ARAP1: variants seen among roughly 807,000 people sequenced by gnomAD.
ARAP1 encodes arf-GAP with Rho-GAP domain, ANK repeat and PH domain-containing protein 1.
In ARAP1, 76 loss-of-function variants were observed where a neutral mutation model predicts 172.2. The ratio of observed to expected loss-of-function variants is 0.44; its 90% confidence interval spans 0.37 to 0.53. The LOEUF is 0.53. Among genes scored for constraint, ARAP1 ranks in the 20% least tolerant of loss-of-function variants. The pLI is 0.00. For synonymous variants in ARAP1, 804 were observed against 803.3 expected (o/e 1.00, Z -0.01); for missense variants, 1,686 against 1,977.5 (o/e 0.85, Z 2.80).
Position 72,687,287 on chromosome 11 carries a change from G to A in ARAP1, c.4185+152C>T, listed in dbSNP as rs1044263754. 1.4e-5 allele frequency: 14 copies of A among 991,522 alleles called. No individual in the cohort carries two copies. The African/African-American group carries it at 2.3e-4, about 16-fold the overall frequency. 61.4% of individuals were successfully genotyped at this position (991,522 alleles called of 1,614,324 possible). On this transcript the variant is annotated intron_variant, in intron 33 of 34. Coordinates refer to ENST00000393609, the MANE Select transcript of ARAP1 (RefSeq NM_001040118.3). ...GGACTAACAGTAGGTGCTAGGAAGG[G>A]TTTATTGAATAAACTAGCAAATGAA...
chr11:72,696,495 T>G (rs1591179731), intron 23 of ARAP1, 54 bp downstream of exon 23: 2 of 1,381,196 alleles, frequency 1.4e-6, no homozygotes, highest in Non-Finnish European at 1.9e-6. Flanking sequence ...AGGGTGGGGG[T>G]AGAAGAACCT....
In ARAP1 at chr11:72,699,127, G is replaced by A. The variant is rs1238168790; in HGVS notation, c.2439-20C>T. On this transcript the variant is annotated intron_variant, in intron 17 of 34. Transcript: ENST00000393609. The surrounding 1 kb of genome is among the most constrained non-coding windows in gnomAD (Gnocchi z 4.2). The stretch of plus-strand genomic sequence containing the variant: ...TCAAAGCTGCAAATACACAGGCCAG[G>A]ACTCAGGCCCACCTCATCCAGCACG... The A allele has an allele frequency of 1.2e-6, 2 of 1,612,884 alleles. No homozygotes were observed. Among genetic ancestry groups the A allele is most frequent in the Non-Finnish European group, 8.5e-7 (1 of 1,179,176 alleles).
At position 72,702,974 on chromosome 11, in the gene ARAP1, G is replaced by T. The variant is rs1384099568; in HGVS notation, c.2098C>A (p.Pro700Thr). The change falls in exon 15 of 35, where the codon CCC becomes ACC. Residue 700 changes from proline to threonine, a missense_variant. By Grantham distance (38) the Pro-to-Thr change is conservative. Around this residue, in one of 5 missense-constraint regions of ARAP1, gnomAD observed 688 missense variants for 856.9 expected, o/e 0.80. Coordinates refer to ENST00000393609, the MANE Select transcript of ARAP1 (RefSeq NM_001040118.3). ...CFSGDPEAPT[P>T]LALAEQAGQT... ...CCCGCCTGCTCTGCAAGAGCCAGGG[G>T]CGTGGGGGCCTCAGGGTCCCCCGAG... The T allele has an allele frequency of 6.4e-6, 10 of 1,565,686 alleles. No individual in the cohort carries two copies. Among genetic ancestry groups the T allele is most frequent in the Non-Finnish European group, 8.6e-6 (10 of 1,156,262 alleles).
At position 72,699,099 on chromosome 11, in the gene ARAP1, T is replaced by C. The variant is rs753042813; in HGVS notation, c.2447A>G (p.His816Arg). Residue 816 changes from histidine (H) to arginine (R), a missense_variant, in exon 18 of 35, where the codon CAC (histidine) becomes CGC (arginine). Physicochemically the swap from His to Arg is conservative, Grantham distance 29 (BLOSUM62 0). Around this residue, in one of 5 missense-constraint regions of ARAP1, gnomAD observed 688 missense variants for 856.9 expected, o/e 0.80. Transcript: ENST00000393609. This position sits in a 1 kb window ranked among gnomAD's most constrained non-coding sequence, Gnocchi z 4.2. ...VPPPDTHGFEHTFEVYTEGER... is the reference protein window; with the variant it reads ...VPPPDTHGFERTFEVYTEGER... ...TCCCTCCGTGTACACCTCAAAGGTG[T>C]GCTCAAAGCTGCAAATACACAGGCC... is the stretch of plus-strand genomic sequence containing the variant. 1.2e-6 allele frequency: 2 copies of C among 1,614,122 alleles called. No individual in the cohort carries two copies. The highest frequency in any genetic ancestry group is 1.6e-4 in the Middle Eastern group (1 of 6,062).
intron 1 of ARAP1, 148 bp downstream of exon 1, chr11:72,752,180 C>T (rs906452434): frequency 5.9e-5 from 9 of 152,312 alleles, no homozygotes; most frequent in African/African-American, 2.2e-4. Flanking sequence ...GCGACCCCCC[C>T]ATCACGCCCA....
chr11:72,700,811 C>T (rs1193884413), intron 16 of ARAP1, among the ~76,000 whole-genome samples: 1 of 152,232 alleles, frequency 6.6e-6, no homozygotes, highest in Non-Finnish European at 1.5e-5. Context: ...TGAGACCAAC[C>T]TGACCAACAT....
At chr11:72,709,847 G>A (rs1188460543) in intron 11 of ARAP1, 23 bp downstream of exon 11, 4 of 1,611,166 alleles carry the variant, frequency 2.5e-6, no homozygotes, top group Non-Finnish European at 3.4e-6. Flanking sequence ...GGATGCCGGT[G>A]AGCCAAGAAG....
rs1223499040 is a variant in ARAP1 at position 72,726,100 on chromosome 11, A to G, written c.509+520T>C. 1.3e-5 allele frequency among the ~76,000 whole-genome samples: 2 copies of G among 152,168 alleles called. No homozygotes were observed. Among genetic ancestry groups the G allele is most frequent in the Non-Finnish European group, 1.5e-5 (1 of 68,014 alleles). ...AGGGCATGCCAGATGAGGCCTGAGA[A>G]GTGTCCCAGGATTTGCTGACATTTG... On this transcript the variant is annotated intron_variant, in intron 3 of 34. Transcript: ENST00000393609. The surrounding 1 kb of genome is among the most constrained non-coding windows in gnomAD (Gnocchi z 6.5).
chr11:72,747,417 G>A (rs1215936327), intron 1 of ARAP1, among the ~76,000 whole-genome samples: 1 of 152,164 alleles, frequency 6.6e-6, no homozygotes, highest in Non-Finnish European at 1.5e-5. Context: ...ACACCCTGCT[G>A]TAGCAAAGCC....
chr11:72,746,739 G>A (rs1400422455), intron 1 of ARAP1, among the ~76,000 whole-genome samples: 1 of 151,986 alleles, frequency 6.6e-6, no homozygotes, highest in Non-Finnish European at 1.5e-5. Context: ...CTGGGGGCTG[G>A]TAAGCCTGGG....
At chr11:72,697,871 G>T in intron 19 of ARAP1, 40 bp downstream of exon 19, 1 of 1,525,360 alleles carries the variant, frequency 6.6e-7, no homozygotes, top group East Asian at 2.3e-5. Flanking sequence ...CCCAGGATAG[G>T]GTGCCCTGGA....
chr11:72,697,325 C>T lies in ARAP1; in HGVS notation c.2951G>A (p.Cys984Tyr). 2 of 1,585,778 alleles carry T rather than the reference C, an allele frequency of 1.3e-6. No homozygotes were observed. The highest frequency in any genetic ancestry group is 1.3e-5 in the African/African-American group (1 of 74,640). ...VYRCVDYITQ[C>Y]GLTSEGIYRK... ...GGCACCCTAGGGGCAGGGCTCACCGCACTGCGTGATGTAGTCCACACAGCG... is the reference window on the plus strand; with the variant it reads ...GGCACCCTAGGGGCAGGGCTCACCGTACTGCGTGATGTAGTCCACACAGCG... The change falls in exon 21 of 35, where the codon TGC (cysteine) becomes TAC (tyrosine). Residue 984 changes from cysteine (C) to tyrosine (Y), a missense_variant and splice_region_variant. Cys to Tyr is a radical substitution (Grantham distance 194). Coordinates refer to ENST00000393609, the MANE Select transcript of ARAP1 (RefSeq NM_001040118.3).
At chr11:72,716,503 T>C (rs765931066) in intron 3 of ARAP1, among the ~76,000 whole-genome samples, 1 of 152,264 alleles carries the variant, frequency 6.6e-6, no homozygotes, top group Non-Finnish European at 1.5e-5. Context: ...AGGAACAGCA[T>C]CTGGACGGAG....
Position 72,697,687 on chromosome 11 carries a change from C to T in ARAP1, c.2738-38G>A, listed in dbSNP as rs1856277128. On this transcript the variant is annotated intron_variant, in intron 19 of 34. Coordinates refer to ENST00000393609, the MANE Select transcript of ARAP1 (RefSeq NM_001040118.3). ...TAGTCAAGGTGAGGCCCAGGTCTTG[C>T]TCCTGATCCCCAACCTGCTCCCTCC... 3 of 1,611,854 alleles carry T rather than the reference C, an allele frequency of 1.9e-6. No individual in the cohort carries two copies. In the South Asian group the frequency reaches 3.3e-5, roughly 18 times the overall value.
intron 2 of ARAP1, among the ~76,000 whole-genome samples, chr11:72,730,946 T>C (rs573262275): frequency 4.1e-4 from 62 of 152,244 alleles, no homozygotes; most frequent in Non-Finnish European, 6.0e-4. Context: ...CATATTGACA[T>C]GGGATGATCT....
chr11:72,714,081 C>A (rs1857166309), intron 4 of ARAP1, 71 bp downstream of exon 4: 2 of 1,370,156 alleles, frequency 1.5e-6, no homozygotes, highest in South Asian at 3.4e-5. Context: ...CCTTGCATAC[C>A]TTCCAGAGGC....
rs1482377682 is a variant in ARAP1 at position 72,707,353 on chromosome 11, T to C, written c.1545A>G (p.Leu515=). The change falls in exon 12 of 35, where the codon CTA becomes CTG. Residue 515 remains leucine, a synonymous_variant. Transcript: ENST00000393609. ...RIFSFSADSE[L]EKEQWLEAMQ... is the part of the protein sequence containing the mutation. The stretch of plus-strand genomic sequence containing the variant: ...TGGCCTCCAACCACTGCTCCTTCTC[T>C]AGCTCTGAGTCAGCAGAGAAGCTGG... The C allele has an allele frequency of 1.2e-6, 2 of 1,612,670 alleles. No homozygotes were observed. Among genetic ancestry groups the C allele is most frequent in the Admixed American group, 1.7e-5 (1 of 59,936 alleles).
At position 72,714,136 on chromosome 11, in the gene ARAP1, T is replaced by C. The variant is rs768885032; in HGVS notation, c.679+16A>G. On this transcript the variant is annotated intron_variant, in intron 4 of 34. Coordinates refer to ENST00000393609, the MANE Select transcript of ARAP1 (RefSeq NM_001040118.3). ...GCCATCCACCCAGAGCCCCATCTCC[T>C]GGCTGCAGCACTCACCGAACTCTGG... 6.9e-7 allele frequency: 1 copy of C among 1,451,188 alleles called. No homozygotes were observed. 89.9% of individuals were successfully genotyped at this position (1,451,188 alleles called of 1,614,324 possible).
At chr11:72,703,662 C>T (rs1233358526) in intron 14 of ARAP1, among the ~76,000 whole-genome samples, 1 of 152,160 alleles carries the variant, frequency 6.6e-6, no homozygotes, top group Non-Finnish European at 1.5e-5. Flanking sequence ...AATGGCATAC[C>T]CCTGCCTCGG....
Sources: allele counts gnomAD v4.1 joint callset (sites outside exome capture counted in the v4.1 genomes callset), GRCh38; gene constraint gnomAD v4.1.1; regional missense constraint gnomAD v4.1.1; non-coding constraint Gnocchi (gnomAD v3.1); transcripts MANE v1.5; gene names NCBI Gene and HGNC (gene_info 2026-07-23, HGNC 2026-07-21).